The following UNC79 variants were observed in gnomAD, a reference collection of about 807,000 sequenced individuals.
UNC79 encodes the protein unc-79 subunit of NALCN channel complex.
In UNC79, 37 loss-of-function variants were observed where a neutral mutation model predicts 283.1. The observed-to-expected ratio is 0.13, with a 90% CI of 0.10 to 0.17. UNC79 has a LOEUF of 0.17. Ranked by LOEUF, UNC79 falls within the 10% of genes least tolerant of loss-of-function variation. The probability of loss-of-function intolerance (pLI) is 1.00; values close to 1 mark genes in which losing one functional copy is unlikely to be tolerated. For synonymous variants in UNC79, 1,107 were observed against 1,200.2 expected (o/e 0.92, Z 1.61); for missense variants, 2,272 against 3,211.1 (o/e 0.71, Z 7.07).
chr14:93,417,087 T>C (rs1022002243), intron 1 of UNC79, among the ~76,000 whole-genome samples: 4 of 152,200 alleles, frequency 2.6e-5, no homozygotes, highest in Admixed American at 2.6e-4. Flanking sequence ...GTTATTTTGC[T>C]CGTTAGTTGA....
At chr14:93,664,219 A>C (rs923421167) in intron 40 of UNC79, among the ~76,000 whole-genome samples, 3 of 152,350 alleles carry the variant, frequency 2.0e-5, no homozygotes, top group African/African-American at 7.2e-5. Context: ...TCAAAAGAAA[A>C]GGCATAGAAA....
At chr14:93,387,194 C>T (rs902294284) in intron 1 of UNC79, among the ~76,000 whole-genome samples, 2 of 152,042 alleles carry the variant, frequency 1.3e-5, no homozygotes, top group Admixed American at 1.3e-4. Context: ...CCACCCGCCT[C>T]GGCCTCCCAA....
chr14:93,453,050 A>G (rs1243537681), intron 1 of UNC79, among the ~76,000 whole-genome samples: 1 of 152,210 alleles, frequency 6.6e-6, no homozygotes, highest in Non-Finnish European at 1.5e-5. Flanking sequence ...ATGAATGGCA[A>G]CTTGAATTTT....
intron 1 of UNC79, among the ~76,000 whole-genome samples, chr14:93,457,919 A>C (rs1028728903): frequency 9.8e-5 from 15 of 152,358 alleles, no homozygotes; most frequent in Admixed American, 9.8e-4. Flanking sequence ...AATAGTGAGT[A>C]AAGACAGATA....
At chr14:93,575,277 A>T in intron 17 of UNC79, 79 bp downstream of exon 17, 2 of 1,588,954 alleles carry the variant, frequency 1.3e-6, no homozygotes, top group Non-Finnish European at 1.7e-6. Flanking sequence ...GCCTGAAAGT[A>T]CTGTCATAAG....
At chr14:93,564,237 G>A (rs2062740766) in intron 14 of UNC79, among the ~76,000 whole-genome samples, 1 of 152,188 alleles carries the variant, frequency 6.6e-6, no homozygotes, top group Non-Finnish European at 1.5e-5. Context: ...AAGGATTTAG[G>A]ATCTATGGGG....
chr14:93,429,227 C>T (rs892580590), upstream of UNC79, among the ~76,000 whole-genome samples: 1 of 152,168 alleles, frequency 6.6e-6, no homozygotes, highest in African/African-American at 2.4e-5. Context: ...TTTCTTTTTA[C>T]TCAGAACGAA....
rs889348792 is a variant in UNC79, at chr14:93,644,461, C to T, written c.6044+764C>T. ...AGTGCCAGGTGCTTTAGGCTGCAGG[C>T]GTTAGACAGAGCTCTTGGCCTCAGG... On this transcript the variant is annotated intron_variant, in intron 34 of 48. Coordinates refer to ENST00000555664, the Ensembl canonical transcript of UNC79. Among the ~76,000 whole-genome samples, 7 of 152,138 alleles carry T rather than the reference C, an allele frequency of 4.6e-5. 1 individual carries two copies. Among genetic ancestry groups the T allele is most frequent in the Admixed American group, 1.3e-4 (2 of 15,276 alleles).
chr14:93,480,601 T>C (rs1014359074), intron 4 of UNC79, among the ~76,000 whole-genome samples: 5 of 152,222 alleles, frequency 3.3e-5, no homozygotes, highest in South Asian at 2.1e-4. Context: ...CAAATTCGAT[T>C]ACACCATTCA....
At chr14:93,420,362 C>A (rs1286608765) in intron 1 of UNC79, among the ~76,000 whole-genome samples, 1 of 151,218 alleles carries the variant, frequency 6.6e-6, no homozygotes, top group Non-Finnish European at 1.5e-5. Context: ...CTATAAGAGA[C>A]AAAGAAGGCC....
At chr14:93,582,113 G>A in intron 19 of UNC79, 90 bp from the exon 20 acceptor site, 1 of 1,598,064 alleles carries the variant, frequency 6.3e-7, no homozygotes, top group Admixed American at 1.7e-5. Context: ...AGACACAGCA[G>A]GTGTGCAGTC....
chr14:93,538,303 A>G (rs2061184007), intron 12 of UNC79, 85 bp downstream of exon 12: 1 of 1,347,128 alleles, frequency 7.4e-7, no homozygotes, highest in Non-Finnish European at 9.9e-7. Context: ...TGCATATTTA[A>G]TGCAACCTCA....
chr14:93,639,213 A>T (rs1022141470), intron 32 of UNC79, among the ~76,000 whole-genome samples: 10 of 152,138 alleles, frequency 6.6e-5, no homozygotes, highest in African/African-American at 2.4e-4. Flanking sequence ...TCAATTTCTT[A>T]TGTTTCTAGT....
chr14:93,356,357 C>A (rs1356382868), intron 1 of UNC79, among the ~76,000 whole-genome samples: 1 of 152,182 alleles, frequency 6.6e-6, no homozygotes, highest in Non-Finnish European at 1.5e-5. Flanking sequence ...AGGCTGCAAC[C>A]CTTTGAGGTC....
At chr14:93,600,616 C>T in exon 25 of UNC79, 1 of 1,613,460 alleles carries the variant, frequency 6.2e-7, no homozygotes, top group African/African-American at 1.3e-5. Flanking sequence ...TGGTTAAAGA[C>T]AGACCCACAA....
intron 1 of UNC79, among the ~76,000 whole-genome samples, chr14:93,441,705 A>G (rs1368084612): frequency 2.0e-5 from 3 of 152,164 alleles, no homozygotes; most frequent in East Asian, 1.9e-4. Context: ...TTTGTTTACA[A>G]TTAATACCCA....
chr14:93,483,203 C>CT (rs1200177428), intron 4 of UNC79, among the ~76,000 whole-genome samples: 1 of 152,212 alleles, frequency 6.6e-6, no homozygotes, highest in African/African-American at 2.4e-5. Context: ...ATCGCTTTCT[C>CT]TTTATTCCCT....
intron 3 of UNC79, among the ~76,000 whole-genome samples, chr14:93,475,412 T>C (rs1192259289): frequency 6.6e-6 from 1 of 152,218 alleles, no homozygotes; most frequent in African/African-American, 2.4e-5. Context: ...GTTCATAATA[T>C]TAAAAGTTTA....
At chr14:93,637,218 C>A in exon 32 of UNC79, 1 of 1,181,168 alleles carries the variant, frequency 8.5e-7, no homozygotes, top group Non-Finnish European at 1.3e-6. Flanking sequence ...ATCCACAGAA[C>A]AGATACAGCC....
Sources: allele counts gnomAD v4.1 joint callset (sites outside exome capture counted in the v4.1 genomes callset), GRCh38; gene constraint gnomAD v4.1.1; transcripts MANE v1.5; gene names NCBI Gene and HGNC (gene_info 2026-07-23, HGNC 2026-07-21).